The following LAMA3 variants were observed in gnomAD, a reference collection of about 807,000 sequenced individuals.
LAMA3 encodes laminin subunit alpha-3.
LAMA3 carries 281 observed loss-of-function variants against 402.0 expected under a neutral mutation model. That is an observed-to-expected ratio of 0.70 (90% CI 0.63 to 0.77). LAMA3 has a LOEUF of 0.77. LAMA3 is among the 30% of genes least tolerant of loss of function. The pLI is 0.00. For synonymous variants in LAMA3, 1,431 were observed against 1,558.4 expected, an observed-to-expected ratio of 0.92 and a Z score of 1.93; for missense variants, 3,840 against 4,215.5, an observed-to-expected ratio of 0.91 and a Z score of 2.47.
intron 10 of LAMA3, among the ~76,000 whole-genome samples, chr18:23,776,682 G>A (rs2062326913): frequency 1.3e-5 from 2 of 152,046 alleles, no homozygotes; most frequent in East Asian, 1.9e-4. Context: ...CACATGAATG[G>A]GTAACTATAT....
rs757749910 is a variant in LAMA3 at position 23,873,174 on chromosome 18, A to G, written c.4998+1513A>G. The G allele has an allele frequency of 5.0e-5, 80 of 1,614,128 alleles. No homozygotes were observed. Among genetic ancestry groups the G allele is most frequent in the Non-Finnish European group, 5.5e-5 (65 of 1,180,056 alleles). On this transcript the variant is annotated intron_variant, in intron 38 of 74. Coordinates refer to ENST00000313654, the MANE Select transcript of LAMA3 (RefSeq NM_198129.4). ...GCCATTTCTTCAGCCTCCCGGTCAA[A>G]GTCAACTGCAAGCGAGTTATGTGGA...
Position 23,864,872 on chromosome 18 carries a change from G to C in LAMA3, c.4672G>C (p.Val1558Leu). 1 of 1,611,256 alleles carries C rather than the reference G, an allele frequency of 6.2e-7. No homozygotes were observed. Among genetic ancestry groups the C allele is most frequent in the Non-Finnish European group, 8.5e-7 (1 of 1,177,730 alleles). The change falls in exon 36 of 75, where the codon GTA becomes CTA. Residue 1558 changes from valine (V) to leucine (L), a missense_variant. Val to Leu is a conservative substitution (Grantham distance 32, BLOSUM62 1). Transcript: ENST00000313654. ...DMVLLEKKPD[V>L]QLTGQHMSII... The stretch of plus-strand genomic sequence containing the variant: ...GGTTCTTCTGGAAAAGAAGCCGGAT[G>C]TACAGCTCACTGTAGGTATCAGAGC...
intron 8 of LAMA3, among the ~76,000 whole-genome samples, chr18:23,766,155 G>A (rs2062071149): frequency 6.6e-6 from 1 of 152,312 alleles, no homozygotes; most frequent in East Asian, 1.9e-4. Context: ...CCTAGGCCTA[G>A]TGGAGTCAAA....
chr18:23,889,718 A>G (rs12458083), intron 41 of LAMA3, among the ~76,000 whole-genome samples: 1 of 120,932 alleles, frequency 8.3e-6, no homozygotes, highest in Admixed American at 1.0e-4. Context: ...GGGAGGAAGG[A>G]AGGAAGAAAG....
intron 19 of LAMA3, among the ~76,000 whole-genome samples, chr18:23,821,476 C>A (rs1227383349): frequency 1.3e-5 from 2 of 152,202 alleles, no homozygotes; most frequent in East Asian, 1.9e-4. Context: ...CTAAAAGAAC[C>A]ACTGATTTGG....
At chr18:23,717,172 T>C (rs1391432650) in intron 2 of LAMA3, among the ~76,000 whole-genome samples, 1 of 152,222 alleles carries the variant, frequency 6.6e-6, no homozygotes, top group African/African-American at 2.4e-5. Flanking sequence ...AACAAGCATG[T>C]TGTGTCTTGT....
rs199576335 is a variant in LAMA3, at chr18:23,890,048, G to A, written c.5341G>A (p.Gly1781Arg). The A allele has an allele frequency of 9.0e-5, 146 of 1,614,144 alleles. No individual in the cohort carries two copies. The highest frequency in any genetic ancestry group is 1.2e-4 in the Non-Finnish European group (136 of 1,179,984). Residue 1781 changes from glycine (G) to arginine (R), a missense_variant, in exon 42 of 75, where the codon GGA becomes AGA. By Grantham distance (125) the Gly-to-Arg change is moderately radical (BLOSUM62 -2). Coordinates refer to ENST00000313654, the MANE Select transcript of LAMA3 (RefSeq NM_198129.4). ...PGYFGNPQKF[G>R]GSCQPCSCNS... is the part of the protein sequence containing the mutation. Reference sequence around the variant, plus strand: ...ATATTTCGGGAATCCCCAGAAATTCGGAGGTAGCTGCCAACCATGCAGTTG... The same window carrying A: ...ATATTTCGGGAATCCCCAGAAATTCAGAGGTAGCTGCCAACCATGCAGTTG...
chr18:23,719,109 A>G (rs2061163917), intron 2 of LAMA3, among the ~76,000 whole-genome samples: 1 of 152,082 alleles, frequency 6.6e-6, no homozygotes, highest in Non-Finnish European at 1.5e-5. Context: ...CTCTCTTCCC[A>G]GTTTGTGCTT....
Position 23,822,323 on chromosome 18 carries a change from T to A in LAMA3, c.2376T>A (p.Val792=), listed in dbSNP as rs1025173160. The A allele has an allele frequency of 1.2e-6, 2 of 1,613,832 alleles. No individual in the cohort carries two copies. The highest frequency in any genetic ancestry group is 1.3e-5 in the African/African-American group (1 of 75,054). The change falls in exon 20 of 75, where the codon GTT becomes GTA. Residue 792 remains valine (V), a synonymous_variant. Transcript: ENST00000313654. The stretch of plus-strand genomic sequence containing the variant: ...TGTTTCGTGTTATTCTGAGATACGT[T>A]AACCCTGGAACTGAAGCAGTATCTG... ...GSLFRVILRY[V]NPGTEAVSGH...
intron 55 of LAMA3, among the ~76,000 whole-genome samples, chr18:23,910,076 C>G (rs1188028719): frequency 6.6e-6 from 1 of 152,216 alleles, no homozygotes; most frequent in African/African-American, 2.4e-5. Flanking sequence ...AGAACGCACC[C>G]TCTTCACACT....
chr18:23,867,835 G>T lies in LAMA3; in HGVS notation c.4685G>T (p.Gly1562Val). 2 of 1,613,440 alleles carry T rather than the reference G, an allele frequency of 1.2e-6. No homozygotes were observed. ...ACATTCATGGTTTTCTTTAAACAGG[G>T]TCAGCACATGTCCATCATCTATGAG... Reference protein sequence around the residue: ...LEKKPDVQLTGQHMSIIYEET... With the variant: ...LEKKPDVQLTVQHMSIIYEET... Residue 1562 changes from glycine to valine, a missense_variant and splice_region_variant, in exon 37 of 75, where the codon GGT (glycine) becomes GTT (valine). Coordinates refer to ENST00000313654, the MANE Select transcript of LAMA3 (RefSeq NM_198129.4).
In LAMA3 at chr18:23,912,886, G is replaced by A; in HGVS notation, c.7329+5G>A. 1 of 1,611,498 alleles carries A rather than the reference G, an allele frequency of 6.2e-7. No homozygotes were observed. The highest frequency in any genetic ancestry group is 8.5e-7 in the Non-Finnish European group (1 of 1,178,116). On this transcript the variant is annotated splice_donor_5th_base_variant and intron_variant, in intron 56 of 74. Coordinates refer to ENST00000313654, the MANE Select transcript of LAMA3 (RefSeq NM_198129.4). ...ATGTACCTTGGAAATAAAGATGTAA[G>A]TATTGCTTGGACATCTCTCTTGTTT...
intron 8 of LAMA3, among the ~76,000 whole-genome samples, chr18:23,769,680 C>G (rs2062153758): frequency 6.6e-6 from 1 of 152,206 alleles, no homozygotes; most frequent in African/African-American, 2.4e-5. Flanking sequence ...CACACACACA[C>G]AAAACCACAT....
intron 34 of LAMA3, among the ~76,000 whole-genome samples, chr18:23,859,079 A>G (rs1344361054): frequency 6.6e-6 from 1 of 152,152 alleles, no homozygotes; most frequent in East Asian, 1.9e-4. Flanking sequence ...CCTATTTAAC[A>G]TTTTGTTTTA....
intron 6 of LAMA3, among the ~76,000 whole-genome samples, chr18:23,754,722 C>T (rs2061812848): frequency 6.6e-6 from 1 of 152,156 alleles, no homozygotes; most frequent in South Asian, 2.1e-4. Flanking sequence ...GAGGTTCAGC[C>T]ATACATTTGT....
chr18:23,815,309 G>T (rs1484319586), intron 16 of LAMA3, 69 bp downstream of exon 16: 43 of 1,485,990 alleles, frequency 2.9e-5, no homozygotes, highest in Non-Finnish European at 3.7e-5. Flanking sequence ...GGTTTCTGGG[G>T]GCGTGTGTTA....
intron 49 of LAMA3, 74 bp downstream of exon 49, chr18:23,903,199 C>G: frequency 1.1e-6 from 1 of 926,650 alleles, no homozygotes; most frequent in African/African-American, 1.6e-5. Flanking sequence ...ATGAAATGGG[C>G]TGACCTACTT....
At chr18:23,762,154 T>C (rs2061982007) in intron 7 of LAMA3, among the ~76,000 whole-genome samples, 1 of 151,314 alleles carries the variant, frequency 6.6e-6, no homozygotes. Flanking sequence ...TAGTTGAGAC[T>C]GTGGTGAGCC....
At chr18:23,921,354 C>A in intron 61 of LAMA3, 98 bp from the exon 62 acceptor site, 1 of 1,321,696 alleles carries the variant, frequency 7.6e-7, no homozygotes. Flanking sequence ...ATAAATGAAT[C>A]TGGGGGAAGA....
Sources: allele counts gnomAD v4.1 joint callset (sites outside exome capture counted in the v4.1 genomes callset), GRCh38; gene constraint gnomAD v4.1.1; transcripts MANE v1.5; gene names NCBI Gene and HGNC (gene_info 2026-07-23, HGNC 2026-07-21).